PLOD2: variants seen among roughly 807,000 people sequenced by gnomAD.
PLOD2 encodes the protein procollagen-lysine,2-oxoglutarate 5-dioxygenase 2.
PLOD2 carries 65 observed loss-of-function variants against 101.0 expected under a neutral mutation model. The ratio of observed to expected loss-of-function variants is 0.64; its 90% CI spans 0.53 to 0.79. The LOEUF (loss-of-function observed/expected upper bound fraction) is 0.79, where lower values mean the gene tolerates loss of function less well. Ranked by LOEUF, PLOD2 falls within the 30% of genes least tolerant of loss-of-function variation. The probability of loss-of-function intolerance (pLI) is 0.00; values close to 1 mark genes in which losing one functional copy is unlikely to be tolerated. For synonymous variants in PLOD2, 314 were observed against 302.9 expected, an observed-to-expected ratio of 1.04 and a Z score of -0.38; for missense variants, 909 against 914.6, an observed-to-expected ratio of 0.99 and a Z score of 0.08.
intron 7 of PLOD2, among the ~76,000 whole-genome samples, chr3:146,092,581 C>T (rs181277484): frequency 1.3e-3 from 198 of 152,130 alleles, no homozygotes; most frequent in Non-Finnish European, 2.1e-3. Flanking sequence ...TATTTCTCTA[C>T]CCATTTTCTT....
intron 11 of PLOD2, among the ~76,000 whole-genome samples, chr3:146,083,290 G>C (rs774766742): frequency 1.3e-5 from 2 of 152,158 alleles, no homozygotes; most frequent in African/African-American, 4.8e-5. Context: ...GGAGCAAATA[G>C]AGATAGGGAG....
intron 1 of PLOD2, among the ~76,000 whole-genome samples, chr3:146,137,506 C>T (rs945553368): frequency 2.0e-5 from 3 of 152,154 alleles, no homozygotes; most frequent in African/African-American, 7.2e-5. Context: ...GCCTTGGGCT[C>T]CCCAAGTGCT....
At chr3:146,121,508 A>G (rs1248323597) in intron 2 of PLOD2, among the ~76,000 whole-genome samples, 2 of 152,158 alleles carry the variant, frequency 1.3e-5, no homozygotes, top group Admixed American at 1.3e-4. Flanking sequence ...GTAGACCCAG[A>G]AAGTATTTCT....
chr3:146,073,187 G>C (rs1312861317), intron 16 of PLOD2, 100 bp downstream of exon 16: 6 of 560,988 alleles, frequency 1.1e-5, no homozygotes, highest in East Asian at 6.0e-5. Context: ...CTAAAAGGTA[G>C]TTTCTCCACT....
intron 7 of PLOD2, among the ~76,000 whole-genome samples, chr3:146,096,971 C>T (rs1263481567): frequency 1.4e-5 from 2 of 146,720 alleles, no homozygotes; most frequent in South Asian, 2.1e-4. Context: ...CCCCTCTGCC[C>T]GGCCAGCCGC....
At chr3:146,159,251 A>C (rs2032451011) in intron 1 of PLOD2, among the ~76,000 whole-genome samples, 1 of 152,238 alleles carries the variant, frequency 6.6e-6, no homozygotes, top group South Asian at 2.1e-4. Flanking sequence ...TTTCCTGAGG[A>C]AACTTTCATA....
intron 15 of PLOD2, among the ~76,000 whole-genome samples, chr3:146,075,505 A>AAAAAG (rs780638348): frequency 2.0e-5 from 3 of 150,314 alleles, no homozygotes; most frequent in Non-Finnish European, 4.5e-5. Context: ...AAAAAAAAAA[A>AAAAAG]AAGAAGAAGA....
rs769451265 is a variant in PLOD2 at position 146,072,513 on chromosome 3, C to A, written c.1848+48G>T. 6.4e-5 allele frequency: 72 copies of A among 1,133,662 alleles called. No individual in the cohort carries two copies. The South Asian group carries it at 8.1e-4, about 13-fold the overall frequency. 70.2% of individuals were successfully genotyped at this position (1,133,662 alleles called of 1,614,324 possible). On this transcript the variant is annotated intron_variant, in intron 17 of 19. Transcript: ENST00000282903. ...CCCCTCCGAATTCTCTGAGTATCTACTTAACCCCCACATACATTTTAGTTC... is the reference window on the plus strand; with the variant it reads ...CCCCTCCGAATTCTCTGAGTATCTAATTAACCCCCACATACATTTTAGTTC...
At position 146,124,375 on chromosome 3, in the gene PLOD2, G is replaced by A. The variant is rs970458737; in HGVS notation, c.110-146C>T. ...ACACAAGACTAAACAAAGAGCTGTCGAAAAAATAGATGACTCAAATTGGTT... is the reference window on the plus strand; with the variant it reads ...ACACAAGACTAAACAAAGAGCTGTCAAAAAAATAGATGACTCAAATTGGTT... On this transcript the variant is annotated intron_variant, in intron 1 of 19. Transcript: ENST00000282903. The A allele has an allele frequency of 7.0e-5, 39 of 557,188 alleles. 1 individual carries two copies. The highest frequency in any genetic ancestry group is 1.5e-4 in the African/African-American group (8 of 53,096). 34.5% of individuals were successfully genotyped at this position (557,188 alleles called of 1,614,324 possible).
intron 7 of PLOD2, 139 bp downstream of exon 7, chr3:146,102,616 T>C: frequency 1.6e-6 from 1 of 621,830 alleles, no homozygotes; most frequent in Non-Finnish European, 2.9e-6. Flanking sequence ...TGATATACTG[T>C]GTAAAAGATG....
rs187062219 is a variant in PLOD2 at position 146,087,893 on chromosome 3, G to T, written c.1005+693C>A. Among the ~76,000 whole-genome samples, 144 of 151,818 alleles carry T rather than the reference G, an allele frequency of 9.5e-4. 1 individual carries two copies. The highest frequency in any genetic ancestry group is 1.7e-3 in the South Asian group (8 of 4,812). On this transcript the variant is annotated intron_variant, in intron 9 of 19. Coordinates refer to ENST00000282903, the MANE Select transcript of PLOD2 (RefSeq NM_182943.3). Reference sequence around the variant, plus strand: ...AAAATATTCTCTGGACAATGTGAATGGTTAGCTGACATTTACATTAGGAAA... The same window carrying T: ...AAAATATTCTCTGGACAATGTGAATTGTTAGCTGACATTTACATTAGGAAA...
intron 1 of PLOD2, among the ~76,000 whole-genome samples, chr3:146,129,263 G>A (rs1379796734): frequency 6.6e-6 from 1 of 152,104 alleles, no homozygotes; most frequent in Non-Finnish European, 1.5e-5. Context: ...CAGGCCTTAT[G>A]GGCCACATAC....
At chr3:146,124,077 A>C (rs1254762780) in intron 2 of PLOD2, 61 bp downstream of exon 2, 3 of 869,812 alleles carry the variant, frequency 3.4e-6, no homozygotes, top group Non-Finnish European at 5.9e-6. Flanking sequence ...TACTGCTGTT[A>C]TGAAAAACAT....
chr3:146,127,081 T>C (rs1483507962), intron 1 of PLOD2, among the ~76,000 whole-genome samples: 1 of 152,212 alleles, frequency 6.6e-6, no homozygotes, highest in Non-Finnish European at 1.5e-5. Context: ...CATTGTTGCA[T>C]ACAAACACAA....
rs1426970872 is a variant in PLOD2, at chr3:146,073,305, A to C, written c.1725T>G (p.Thr575=). Residue 575 remains threonine (T), a synonymous_variant, in exon 16 of 20, where the codon ACT becomes ACG. Transcript: ENST00000282903. ...YINRDYSKIF[T]ENIVEQPCPD... ...TACAAACCTGTTCAACTATATTTTC[A>C]GTGAAAATCTTTGAATAATCACGGT... 1 of 1,243,292 alleles carries C rather than the reference A, an allele frequency of 8.0e-7. No homozygotes were observed. Among genetic ancestry groups the C allele is most frequent in the Non-Finnish European group, 1.2e-6 (1 of 865,066 alleles). The allele number at this position is 1,243,292 out of a possible 1,614,324, so 77.0% of individuals were successfully genotyped here.
At chr3:146,148,338 GCACACACACACA>G (rs71158220) in intron 1 of PLOD2, among the ~76,000 whole-genome samples, 3 of 146,448 alleles carry the variant, frequency 2.0e-5, no homozygotes, top group African/African-American at 2.5e-5. Context: ...AGGCAGGCAC[GCACACACACACA>G]CACACACACA....
chr3:146,099,385 A>C (rs185202530), intron 7 of PLOD2, among the ~76,000 whole-genome samples: 70 of 152,134 alleles, frequency 4.6e-4, no homozygotes, highest in Non-Finnish European at 9.0e-4. Flanking sequence ...CTCAGGACCA[A>C]AATCACTCCT....
At chr3:146,146,208 A>T (rs1252692593) in intron 1 of PLOD2, among the ~76,000 whole-genome samples, 1 of 152,142 alleles carries the variant, frequency 6.6e-6, no homozygotes, top group Non-Finnish European at 1.5e-5. Flanking sequence ...TGTCAAAAAC[A>T]TCCATAAAAA....
intron 1 of PLOD2, among the ~76,000 whole-genome samples, chr3:146,145,333 A>G (rs985495025): frequency 7.9e-5 from 12 of 152,308 alleles, no homozygotes; most frequent in Admixed American, 3.3e-4. Flanking sequence ...GCCATTCCCA[A>G]TCTAGTTTTG....
Sources: gnomAD v4.1 joint callset for allele counts (sites outside exome capture counted in the v4.1 genomes callset) on GRCh38, gnomAD v4.1.1 for gene constraint, MANE v1.5 for transcripts, NCBI Gene and HGNC (gene_info 2026-07-23, HGNC 2026-07-21) for gene names.